BACH2: variants seen among roughly 807,000 people sequenced by gnomAD.
BACH2 encodes the protein transcription regulator protein BACH2.
BACH2 carries 5 observed loss-of-function variants against 61.8 expected under a neutral mutation model. That is an observed-to-expected ratio of 0.08 (90% confidence interval 0.04 to 0.17). BACH2 has a LOEUF of 0.17. Ranked by LOEUF, BACH2 falls within the 10% of genes least tolerant of loss-of-function variation. BACH2 has a pLI of 1.00. For missense variants in BACH2, 824 were observed against 1,091.1 expected, an observed-to-expected ratio of 0.76 and a Z score of 3.45; for synonymous variants, 446 against 440.1, an observed-to-expected ratio of 1.01 and a Z score of -0.17.
intron 4 of BACH2, among the ~76,000 whole-genome samples, chr6:90,161,153 T>C (rs535714900): frequency 1.3e-5 from 2 of 149,208 alleles, no homozygotes; most frequent in South Asian, 4.2e-4. Context: ...CCTTTTACAA[T>C]GGGACAGATC....
intron 4 of BACH2, among the ~76,000 whole-genome samples, chr6:90,135,317 T>C (rs2501721): frequency 0.61 from 93,467 of 152,138 alleles, 31,767 homozygotes; most frequent in African/African-American, 0.91. Context: ...TTTGAGAATC[T>C]GCACCAAGAC....
chr6:89,969,210 C>A lies in BACH2; in HGVS notation c.244-17348G>T, dbSNP rs185788686. Among the ~76,000 whole-genome samples, 170 of 151,878 alleles carry A rather than the reference C, an allele frequency of 1.1e-3. 3 individuals carry two copies. In the East Asian group the frequency reaches 0.02, roughly 18 times the overall value. ...CTGGGATTACAGGAATGTGTCACCA[C>A]GCCCAGCTAATTTTTTTGTATTTTC... is the stretch of plus-strand genomic sequence containing the variant. On this transcript the variant is annotated intron_variant, in intron 6 of 8. Coordinates refer to ENST00000257749, the MANE Select transcript of BACH2 (RefSeq NM_021813.4).
In BACH2 at chr6:90,155,183, GTT is replaced by G. The variant is rs1173337697; in HGVS notation, c.-162+51384_-162+51385del. ...AGGGGTGAATTACCCAAAACATCAG[GTT>G]TCTCCACATGGCTAGACTAAGAAGG... On this transcript the variant is annotated intron_variant, in intron 4 of 8. Coordinates refer to ENST00000257749, the MANE Select transcript of BACH2 (RefSeq NM_021813.4). Among the ~76,000 whole-genome samples, 3 of 152,276 alleles carry G rather than the reference GTT, an allele frequency of 2.0e-5. No homozygotes were observed. In the East Asian group the frequency reaches 5.8e-4, roughly 29 times the overall value.
chr6:90,211,454 T>C (rs1243401420), intron 3 of BACH2, among the ~76,000 whole-genome samples: 1 of 152,162 alleles, frequency 6.6e-6, no homozygotes, highest in Non-Finnish European at 1.5e-5. Flanking sequence ...TTATTTACCA[T>C]CAACCTCCAT....
chr6:89,979,119 C>G (rs1165265942), intron 6 of BACH2, among the ~76,000 whole-genome samples: 1 of 152,148 alleles, frequency 6.6e-6, no homozygotes, highest in East Asian at 1.9e-4. Flanking sequence ...TAAAAAATAA[C>G]TGTATGGACA....
chr6:90,089,258 T>C (rs1782058708), intron 4 of BACH2, 149 bp from the exon 5 acceptor site: 1 of 152,066 alleles, frequency 6.6e-6, no homozygotes, highest in Admixed American at 6.6e-5. Context: ...TCTTGACCAA[T>C]CCTCATGAAC....
rs1204918844 is a variant in BACH2 at position 90,218,956 on chromosome 6, T to TGTGTGTGA, written c.-274-12276_-274-12275insTCACACAC. Among the ~76,000 whole-genome samples, 12 of 149,504 alleles carry TGTGTGTGA rather than the reference T, an allele frequency of 8.0e-5. No individual in the cohort carries two copies. The South Asian group carries it at 2.5e-3, about 32-fold the overall frequency. Reference sequence around the variant, plus strand: ...GTGTGTGTGTGTGTGTGTGTGTGTGTGACACAGAGAGTGAGAGTGCACGCA... The same window carrying TGTGTGTGA: ...GTGTGTGTGTGTGTGTGTGTGTGTGTGTGTGTGAGACACAGAGAGTGAGAGTGCACGCA... On this transcript the variant is annotated intron_variant, in intron 3 of 8. Coordinates refer to ENST00000257749, the MANE Select transcript of BACH2 (RefSeq NM_021813.4).
chr6:90,295,083 G>C, intron 1 of BACH2, among the ~76,000 whole-genome samples: 1 of 151,822 alleles, frequency 6.6e-6, no homozygotes, highest in Admixed American at 6.5e-5. Context: ...GGAACGCCGC[G>C]TCTCGCCGCC....
At chr6:90,170,441 AATCACTGATAC>A (rs1439709366) in intron 4 of BACH2, among the ~76,000 whole-genome samples, 1 of 152,168 alleles carries the variant, frequency 6.6e-6, no homozygotes, top group Admixed American at 6.5e-5. Context: ...TGTCTGCTTT[AATCACTGATAC>A]ATCTTGTCTC....
At chr6:90,279,816 C>T (rs146369783) in intron 1 of BACH2, among the ~76,000 whole-genome samples, 1 of 152,072 alleles carries the variant, frequency 6.6e-6, no homozygotes, top group East Asian at 1.9e-4. Context: ...TATGACTAGC[C>T]CTTTAAATAT....
intron 6 of BACH2, among the ~76,000 whole-genome samples, chr6:89,993,541 T>A (rs1171113354): frequency 6.6e-6 from 1 of 152,192 alleles, no homozygotes; most frequent in Non-Finnish European, 1.5e-5. Context: ...ATTTTAAACA[T>A]TAGCGTGAGC....
intron 5 of BACH2, among the ~76,000 whole-genome samples, chr6:90,041,616 T>C (rs1779539736): frequency 6.6e-6 from 1 of 152,186 alleles, no homozygotes; most frequent in Non-Finnish European, 1.5e-5. Context: ...TGATGGATTA[T>C]CCTGCTCTTT....
chr6:89,934,959 G>A (rs760690387), intron 8 of BACH2, among the ~76,000 whole-genome samples: 1 of 152,144 alleles, frequency 6.6e-6, no homozygotes, highest in East Asian at 1.9e-4. Context: ...GATTTACACC[G>A]GGAAAGGGCA....
intron 3 of BACH2, among the ~76,000 whole-genome samples, chr6:90,220,955 G>A (rs2127855928): frequency 6.6e-6 from 1 of 152,244 alleles, no homozygotes; most frequent in South Asian, 2.1e-4. Context: ...ATTATACAAG[G>A]ATCCCTGAGT....
intron 5 of BACH2, among the ~76,000 whole-genome samples, chr6:90,024,167 C>T (rs1778518061): frequency 6.6e-6 from 1 of 151,924 alleles, no homozygotes; most frequent in Admixed American, 6.6e-5. Context: ...CCCAGCTCCC[C>T]CAAATTAAAG....
chr6:90,295,400 A>T (rs1403443755), intron 1 of BACH2, among the ~76,000 whole-genome samples: 1 of 152,044 alleles, frequency 6.6e-6, no homozygotes, highest in Non-Finnish European at 1.5e-5. Flanking sequence ...TCACGGTCCG[A>T]GTTCCTGCAA....
At chr6:90,139,796 T>C (rs904698310) in intron 4 of BACH2, among the ~76,000 whole-genome samples, 1 of 152,014 alleles carries the variant, frequency 6.6e-6, no homozygotes, top group Non-Finnish European at 1.5e-5. Context: ...TTTTAGCTAA[T>C]GAGACTAGAG....
intron 5 of BACH2, among the ~76,000 whole-genome samples, chr6:90,065,252 C>T (rs1259868305): frequency 1.4e-5 from 2 of 142,090 alleles, no homozygotes; most frequent in African/African-American, 5.0e-5. Flanking sequence ...GCTGCCACCC[C>T]ACCCCCTGCC....
At chr6:90,171,409 G>T (rs991882572) in intron 4 of BACH2, among the ~76,000 whole-genome samples, 1 of 150,326 alleles carries the variant, frequency 6.7e-6, no homozygotes, top group East Asian at 2.0e-4. Flanking sequence ...TGAGACTCTT[G>T]TCTCAAGAAG....
Sources: gnomAD v4.1 joint callset for allele counts (sites outside exome capture counted in the v4.1 genomes callset) on GRCh38, gnomAD v4.1.1 for gene constraint, MANE v1.5 for transcripts, NCBI Gene and HGNC (gene_info 2026-07-23, HGNC 2026-07-21) for gene names.